Variants in FIRRM observed in about 807,000 individuals in gnomAD.
FIRRM encodes the protein FIGNL1 interacting regulator of recombination and mitosis, also known as FIGNL1-interacting regulator of recombination and mitosis.
At chr1:169,820,787 C>T in the FIRRM span, among the ~76,000 whole-genome samples, 7 of 152,234 alleles carry the variant, frequency 4.6e-5, no homozygotes, top group Non-Finnish European at 1.0e-4. Flanking sequence ...AGTATTGTCC[C>T]TACAGGGTTT....
the FIRRM span, among the ~76,000 whole-genome samples, chr1:169,841,393 T>C: frequency 6.6e-6 from 1 of 152,178 alleles, no homozygotes; most frequent in Admixed American, 6.5e-5. Flanking sequence ...ACATGTTTAT[T>C]TGTAAAAGGA....
the FIRRM span, among the ~76,000 whole-genome samples, chr1:169,799,119 T>G: frequency 4.6e-5 from 7 of 152,220 alleles, no homozygotes; most frequent in Admixed American, 2.6e-4. Flanking sequence ...ATGAACAAAT[T>G]CATTCAAATT....
chr1:169,829,192 A>G, the FIRRM span: 2 of 1,300,442 alleles, frequency 1.5e-6, no homozygotes, highest in South Asian at 1.8e-5. Context: ...TCCATGTTAC[A>G]TATTATTATT....
the FIRRM span, chr1:169,852,463 A>AAAG: frequency 1.3e-5 from 4 of 307,412 alleles, no homozygotes; most frequent in African/African-American, 2.2e-5. Flanking sequence ...ACTCTCATAA[A>AAAG]AAGAAAATAC....
the FIRRM span, among the ~76,000 whole-genome samples, chr1:169,844,846 A>C: frequency 6.6e-6 from 1 of 152,228 alleles, no homozygotes; most frequent in Non-Finnish European, 1.5e-5. Flanking sequence ...CTTCCTTTAT[A>C]AAAGATTTCA....
the FIRRM span, among the ~76,000 whole-genome samples, chr1:169,816,028 G>C: frequency 1.3e-5 from 2 of 152,132 alleles, no homozygotes; most frequent in South Asian, 4.1e-4. Context: ...TCCAAAAAAA[G>C]ATGATATCTG....
At chr1:169,807,704 G>T in the FIRRM span, 1 of 1,200,414 alleles carries the variant, frequency 8.3e-7, no homozygotes, top group Non-Finnish European at 1.1e-6. Context: ...TTTTTTAAAT[G>T]TTCTACAAGG....
the FIRRM span, among the ~76,000 whole-genome samples, chr1:169,831,965 CCCAGGCTAGTT>C: frequency 6.6e-6 from 1 of 152,144 alleles, no homozygotes; most frequent in East Asian, 1.9e-4. Flanking sequence ...TGCTGTGTTG[CCCAGGCTAGTT>C]TCAAACTCCC....
At chr1:169,791,444 T>C in the FIRRM span, among the ~76,000 whole-genome samples, 2 of 152,206 alleles carry the variant, frequency 1.3e-5, no homozygotes, top group Non-Finnish European at 1.5e-5. Context: ...GTGATGAAAA[T>C]AGGCATTGGT....
At chr1:169,846,483 T>A in the FIRRM span, among the ~76,000 whole-genome samples, 1 of 152,198 alleles carries the variant, frequency 6.6e-6, no homozygotes, top group African/African-American at 2.4e-5. Flanking sequence ...TTCCTCTACA[T>A]TAAAAATATA....
the FIRRM span, among the ~76,000 whole-genome samples, chr1:169,819,873 G>GC: frequency 4.8e-3 from 736 of 152,270 alleles, 20 homozygotes; most frequent in East Asian, 0.033. Context: ...CATTGCCTTT[G>GC]CCAGATTGAA....
the FIRRM span, among the ~76,000 whole-genome samples, chr1:169,832,896 G>C: frequency 6.6e-6 from 1 of 152,138 alleles, no homozygotes; most frequent in East Asian, 1.9e-4. Flanking sequence ...GAGCCACTCT[G>C]CCTGGCCTTG....
the FIRRM span, among the ~76,000 whole-genome samples, chr1:169,833,412 T>C: frequency 1.3e-5 from 2 of 152,168 alleles, no homozygotes; most frequent in African/African-American, 4.8e-5. Flanking sequence ...GACTTTAAGG[T>C]CTTATGGTCC....
the FIRRM span, chr1:169,853,852 A>AATTTAAAATTTATCTTTT: frequency 6.7e-7 from 1 of 1,490,378 alleles, no homozygotes; most frequent in Non-Finnish European, 9.3e-7. Context: ...AAAAAGCAGG[A>AATTTAAAATTTATCTTTT]ATTTAAAATT....
chr1:169,794,913 G>A, the FIRRM span: 1 of 581,210 alleles, frequency 1.7e-6, no homozygotes, highest in African/African-American at 1.9e-5. Context: ...CCAGTGAGTC[G>A]AGTCCTCCAG....
chr1:169,828,961 A>G, the FIRRM span, among the ~76,000 whole-genome samples: 3 of 152,180 alleles, frequency 2.0e-5, no homozygotes, highest in Admixed American at 1.3e-4. Context: ...ATAATATCTA[A>G]TTTAGCTATT....
the FIRRM span, among the ~76,000 whole-genome samples, chr1:169,786,139 C>T: frequency 5.9e-5 from 9 of 151,950 alleles, no homozygotes; most frequent in African/African-American, 2.2e-4. Flanking sequence ...ATATTTTTTT[C>T]CTACTTTGGG....
chr1:169,828,100 A>T, the FIRRM span, among the ~76,000 whole-genome samples: 7 of 152,176 alleles, frequency 4.6e-5, no homozygotes, highest in Non-Finnish European at 8.8e-5. Flanking sequence ...ATAAACATTG[A>T]TTGTAATAGA....
At chr1:169,802,465 G>A in the FIRRM span, among the ~76,000 whole-genome samples, 6 of 152,234 alleles carry the variant, frequency 3.9e-5, no homozygotes, top group Admixed American at 2.6e-4. Context: ...TCTGTATTTT[G>A]TGCTTAATTA....
Sources: allele counts gnomAD v4.1 joint callset (sites outside exome capture counted in the v4.1 genomes callset), GRCh38; gene constraint gnomAD v4.1.1; transcripts MANE v1.5; gene names NCBI Gene and HGNC (gene_info 2026-07-23, HGNC 2026-07-21).